PALLD: variants seen among roughly 807,000 people sequenced by gnomAD.
The protein encoded by PALLD is palladin.
PALLD carries 61 observed loss-of-function variants against 123.5 expected under a neutral mutation model. The observed-to-expected ratio is 0.49, with a 90% CI of 0.40 to 0.61. The LOEUF is 0.61. Ranked by LOEUF, PALLD falls within the 20% of genes least tolerant of loss-of-function variation. The pLI, the probability that PALLD is intolerant of heterozygous loss-of-function variation, is 0.00. For synonymous variants in PALLD, 465 were observed against 496.4 expected (o/e 0.94, Z 0.84); for missense variants, 1,273 against 1,377.0 (o/e 0.92, Z 1.20).
At chr4:168,828,099 G>A (rs2150831037) in intron 10 of PALLD, among the ~76,000 whole-genome samples, 1 of 152,246 alleles carries the variant, frequency 6.6e-6, no homozygotes, top group South Asian at 2.1e-4. Context: ...TCCTGATGCT[G>A]ACCTGATTAT....
intron 2 of PALLD, chr4:168,631,705 C>T (rs1257914211): frequency 1.0e-6 from 1 of 985,376 alleles, no homozygotes; most frequent in Non-Finnish European, 1.2e-6. Flanking sequence ...CGGCGGGGCC[C>T]AGGACCTCTC....
In PALLD at chr4:168,513,049, G is replaced by A. The variant is rs959403361; in HGVS notation, c.908+637G>A. Among the ~76,000 whole-genome samples the A allele has an allele frequency of 4.1e-5, 6 of 145,718 alleles. No individual in the cohort carries two copies. In the South Asian group the frequency reaches 1.3e-3, roughly 32 times the overall value. On this transcript the variant is annotated intron_variant, in intron 2 of 21. Coordinates refer to ENST00000505667, the MANE Select transcript of PALLD (RefSeq NM_001166108.2). ...GTAACAAACCTGCACACGTATCCCCGAATGTAAAAGTTGGAAAGAAAAAAA... is the reference window on the plus strand; with the variant it reads ...GTAACAAACCTGCACACGTATCCCCAAATGTAAAAGTTGGAAAGAAAAAAA...
chr4:168,879,393 A>T (rs1263542906), intron 10 of PALLD, among the ~76,000 whole-genome samples: 1 of 152,232 alleles, frequency 6.6e-6, no homozygotes, highest in Non-Finnish European at 1.5e-5. Context: ...GGAAGTGCTC[A>T]CAAAGGTTAA....
At chr4:168,730,426 G>T (rs2150305150) in intron 10 of PALLD, among the ~76,000 whole-genome samples, 1 of 152,002 alleles carries the variant, frequency 6.6e-6, no homozygotes, top group African/African-American at 2.4e-5. Flanking sequence ...TTGTCATTTT[G>T]TTTTGTTTTG....
chr4:168,629,779 T>C (rs1775641186), intron 2 of PALLD, among the ~76,000 whole-genome samples: 1 of 152,158 alleles, frequency 6.6e-6, no homozygotes, highest in African/African-American at 2.4e-5. Flanking sequence ...CAGAAACTAA[T>C]GGCAGAGTTT....
chr4:168,916,906 T>C (rs1419310658), intron 17 of PALLD, among the ~76,000 whole-genome samples: 1 of 151,938 alleles, frequency 6.6e-6, no homozygotes, highest in Non-Finnish European at 1.5e-5. Context: ...CCTGACTTCA[T>C]GATCCGCCCA....
At chr4:168,914,055 T>C (rs758829687) in intron 16 of PALLD, 34 bp downstream of exon 16, 5 of 1,173,536 alleles carry the variant, frequency 4.3e-6, no homozygotes, top group East Asian at 4.7e-5. Flanking sequence ...AAGTGTTACA[T>C]TATTTTATTT....
intron 10 of PALLD, among the ~76,000 whole-genome samples, chr4:168,853,161 C>G (rs1748046938): frequency 6.6e-6 from 1 of 152,200 alleles, no homozygotes; most frequent in Non-Finnish European, 1.5e-5. Context: ...CATATATGAG[C>G]ATCTCACAGA....
intron 10 of PALLD, among the ~76,000 whole-genome samples, chr4:168,788,430 T>C (rs1044200132): frequency 6.6e-6 from 1 of 152,160 alleles, no homozygotes; most frequent in African/African-American, 2.4e-5. Flanking sequence ...GGCAAAACTA[T>C]AGAGTCAGTA....
At chr4:168,737,301 T>C (rs1474285943) in intron 10 of PALLD, among the ~76,000 whole-genome samples, 3 of 152,218 alleles carry the variant, frequency 2.0e-5, no homozygotes, top group Admixed American at 6.5e-5. Flanking sequence ...CTTTTTTTTC[T>C]TTTTTATAAG....
At chr4:168,858,688 G>A (rs1180665459) in intron 10 of PALLD, among the ~76,000 whole-genome samples, 1 of 151,942 alleles carries the variant, frequency 6.6e-6, no homozygotes, top group Non-Finnish European at 1.5e-5. Flanking sequence ...AGGCTAAGGT[G>A]GAAGGATCAC....
At chr4:168,878,252 G>A (rs1379373722) in intron 10 of PALLD, 4 of 1,523,272 alleles carry the variant, frequency 2.6e-6, no homozygotes, top group South Asian at 1.2e-5. Flanking sequence ...CCCGAGCCCG[G>A]GACAGGCGTC....
intron 10 of PALLD, among the ~76,000 whole-genome samples, chr4:168,757,823 G>T (rs1413460231): frequency 1.3e-5 from 2 of 152,242 alleles, no homozygotes; most frequent in African/African-American, 4.8e-5. Flanking sequence ...TATAATCCCA[G>T]CACTTTGGGA....
intron 2 of PALLD, among the ~76,000 whole-genome samples, chr4:168,529,647 C>T (rs967582102): frequency 6.6e-6 from 1 of 152,032 alleles, no homozygotes; most frequent in African/African-American, 2.4e-5. Context: ...ATTTTATTAC[C>T]GAAAACAAAG....
intron 11 of PALLD, chr4:168,894,152 G>A (rs1754622914): frequency 9.6e-6 from 2 of 208,502 alleles, no homozygotes; most frequent in Non-Finnish European, 1.9e-5. Context: ...TTCTCCTTTT[G>A]AGTATCTTTG....
chr4:168,884,600 T>C (rs935118806), intron 10 of PALLD, among the ~76,000 whole-genome samples: 1 of 152,238 alleles, frequency 6.6e-6, no homozygotes, highest in Non-Finnish European at 1.5e-5. Context: ...CTCTTATCTC[T>C]TTCTGCCATA....
intron 10 of PALLD, among the ~76,000 whole-genome samples, chr4:168,732,980 C>T (rs975802859): frequency 1.1e-4 from 16 of 152,112 alleles, no homozygotes; most frequent in Non-Finnish European, 1.8e-4. Context: ...TGATAATACA[C>T]GTAAGCTAGA....
chr4:168,902,047 G>C (rs1050792729), intron 14 of PALLD, among the ~76,000 whole-genome samples: 5 of 152,168 alleles, frequency 3.3e-5, no homozygotes, highest in African/African-American at 1.2e-4. Context: ...AGTTAGAGCA[G>C]TCATATCCTG....
intron 2 of PALLD, among the ~76,000 whole-genome samples, chr4:168,619,254 G>A (rs546882800): frequency 6.6e-6 from 1 of 152,350 alleles, no homozygotes; most frequent in South Asian, 2.1e-4. Flanking sequence ...GGATGGATAG[G>A]AACTGGTGCA....
Sources: allele counts gnomAD v4.1 joint callset (sites outside exome capture counted in the v4.1 genomes callset), GRCh38; gene constraint gnomAD v4.1.1; transcripts MANE v1.5; gene names NCBI Gene and HGNC (gene_info 2026-07-23, HGNC 2026-07-21).